The following BAALC variants were observed in gnomAD, a reference collection of about 807,000 sequenced individuals.
The protein encoded by BAALC is brain and acute leukemia cytoplasmic protein.
Under a neutral mutation model 15.5 loss-of-function variants are expected in BAALC, and 9 were observed. The ratio of observed to expected loss-of-function variants is 0.58; its 90% CI spans 0.35 to 1.02. The LOEUF (loss-of-function observed/expected upper bound fraction) is 1.02. Among genes scored for constraint, BAALC ranks in the 50% least tolerant of loss-of-function variants. The pLI, the probability that BAALC is intolerant of heterozygous loss-of-function variation, is 0.02. For missense variants in BAALC, 201 were observed against 192.4 expected (o/e 1.04, Z -0.27); for synonymous variants, 80 against 74.6 (o/e 1.07, Z -0.37).
intron 2 of BAALC, among the ~76,000 whole-genome samples, chr8:103,225,308 T>C (rs1020933826): frequency 6.6e-6 from 1 of 152,192 alleles, no homozygotes; most frequent in African/African-American, 2.4e-5. Flanking sequence ...AGGAAAGCAA[T>C]GACATCCTAT....
intron 1 of BAALC, among the ~76,000 whole-genome samples, chr8:103,196,409 T>G (rs1320420649): frequency 6.6e-6 from 1 of 152,096 alleles, no homozygotes; most frequent in Non-Finnish European, 1.5e-5. Context: ...GCCTCCCAAA[T>G]AGCTGGGACT....
In BAALC at chr8:103,203,197, A is replaced by G. The variant is rs182813128; in HGVS notation, c.161-9722A>G. ...TACCAAACCCTATGGCCAACGGCAG[A>G]TGTTACAGGCTGGTGGTTCATCACA... On this transcript the variant is annotated intron_variant, in intron 1 of 2. Coordinates refer to ENST00000309982, the MANE Select transcript of BAALC (RefSeq NM_024812.3). Among the ~76,000 whole-genome samples, 296 of 152,288 alleles carry G rather than the reference A, an allele frequency of 1.9e-3. 3 individuals carry two copies. Among genetic ancestry groups the G allele is most frequent in the Middle Eastern group, 0.017 (5 of 294 alleles).
At chr8:103,160,583 G>T (rs1279993081) in intron 1 of BAALC, among the ~76,000 whole-genome samples, 3 of 152,098 alleles carry the variant, frequency 2.0e-5, no homozygotes, top group East Asian at 3.9e-4. Flanking sequence ...ATAATTTATT[G>T]CTGGGTGGCT....
chr8:103,222,188 T>C (rs1812691106), intron 2 of BAALC, among the ~76,000 whole-genome samples: 1 of 152,074 alleles, frequency 6.6e-6, no homozygotes, highest in South Asian at 2.1e-4. Context: ...TGGCAGACTA[T>C]AGAGAGAGCA....
chr8:103,181,486 A>T (rs918180000), intron 1 of BAALC, among the ~76,000 whole-genome samples: 12 of 151,890 alleles, frequency 7.9e-5, no homozygotes, highest in South Asian at 2.1e-4. Flanking sequence ...GTTAGCCAGG[A>T]TGGTCTCGAT....
At chr8:103,154,920 C>CTATATATATATA (rs56402841) in intron 1 of BAALC, among the ~76,000 whole-genome samples, 2 of 129,976 alleles carry the variant, frequency 1.5e-5, no homozygotes, top group African/African-American at 5.5e-5. Flanking sequence ...CTATCTCAAG[C>CTATATATATATA]TATATATATA....
rs183976369 is a variant in BAALC, at chr8:103,147,701, G to T, written c.160+6644G>T. Among the ~76,000 whole-genome samples, 548 of 152,236 alleles carry T rather than the reference G, an allele frequency of 3.6e-3. 6 individuals carry two copies. The highest frequency in any genetic ancestry group is 0.013 in the African/African-American group (522 of 41,540). On this transcript the variant is annotated intron_variant, in intron 1 of 2. Coordinates refer to ENST00000309982, the MANE Select transcript of BAALC (RefSeq NM_024812.3). Reference sequence around the variant, plus strand: ...TGTCTAAACCTGTTCTCGGACAATGGTGCTGTGCCATTCATCCCAGGAGCC... The same window carrying T: ...TGTCTAAACCTGTTCTCGGACAATGTTGCTGTGCCATTCATCCCAGGAGCC...
At chr8:103,197,471 T>C (rs538554779) in intron 1 of BAALC, among the ~76,000 whole-genome samples, 1 of 152,342 alleles carries the variant, frequency 6.6e-6, no homozygotes, top group South Asian at 2.1e-4. Flanking sequence ...TTTCTATCTT[T>C]GTATGCTTAG....
chr8:103,177,365 TG>T (rs1811630526), intron 1 of BAALC, among the ~76,000 whole-genome samples: 1 of 152,060 alleles, frequency 6.6e-6, no homozygotes, highest in African/African-American at 2.4e-5. Context: ...TTGTATTTTT[TG>T]TAGAGACGGG....
chr8:103,223,937 C>T (rs911664804), intron 2 of BAALC, among the ~76,000 whole-genome samples: 4 of 152,186 alleles, frequency 2.6e-5, no homozygotes, highest in African/African-American at 4.8e-5. Flanking sequence ...TAAAGAAGGC[C>T]TCTGCATTCT....
rs2129838692 is a variant in BAALC at position 103,141,074 on chromosome 8, C to G, written c.160+17C>G. 6 of 1,443,822 alleles carry G rather than the reference C, an allele frequency of 4.2e-6. No individual in the cohort carries two copies. The South Asian group carries it at 8.8e-5, about 21-fold the overall frequency. The allele number at this position is 1,443,822 out of a possible 1,614,324, so 89.4% of individuals were successfully genotyped here. ...TGCACTCGGGTAAGTGGCCGGGCCC[C>G]TGCAGACCCTCGCCCGCCCGCTACC... is the stretch of plus-strand genomic sequence containing the variant. On this transcript the variant is annotated intron_variant, in intron 1 of 2. Coordinates refer to ENST00000309982, the MANE Select transcript of BAALC (RefSeq NM_024812.3).
chr8:103,165,055 G>C (rs1811314303), intron 1 of BAALC, among the ~76,000 whole-genome samples: 1 of 152,152 alleles, frequency 6.6e-6, no homozygotes, highest in South Asian at 2.1e-4. Flanking sequence ...TGGGATTTGG[G>C]GCATGGCTCC....
intron 1 of BAALC, chr8:103,197,985 T>C (rs1812132848): frequency 1.8e-6 from 1 of 550,306 alleles, no homozygotes; most frequent in Non-Finnish European, 3.2e-6. Context: ...CTTTTAAACA[T>C]TGCTCAAGAA....
At chr8:103,180,395 T>C (rs187314224) in intron 1 of BAALC, among the ~76,000 whole-genome samples, 1 of 152,152 alleles carries the variant, frequency 6.6e-6, no homozygotes, top group African/African-American at 2.4e-5. Context: ...CTCACGTGCT[T>C]GGCCTCAGAG....
chr8:103,192,392 T>C (rs113530935), intron 1 of BAALC, among the ~76,000 whole-genome samples: 342 of 152,318 alleles, frequency 2.2e-3, no homozygotes, highest in Non-Finnish European at 4.2e-3. Flanking sequence ...AGTGAGTAGG[T>C]TGTCAAACAT....
chr8:103,198,046 CCA>C, intron 1 of BAALC: 1 of 679,178 alleles, frequency 1.5e-6, no homozygotes, highest in Non-Finnish European at 2.7e-6. Context: ...ATTAAATATC[CCA>C]CAGTTTCTTA....
At chr8:103,157,097 G>T (rs1476238969) in intron 1 of BAALC, 2 of 150,616 alleles carry the variant, frequency 1.3e-5, no homozygotes, top group South Asian at 2.1e-4. Flanking sequence ...AAAGTTATAT[G>T]AAAAGGTGAT....
intron 1 of BAALC, among the ~76,000 whole-genome samples, chr8:103,185,533 T>A (rs765577257): frequency 6.6e-6 from 1 of 152,220 alleles, no homozygotes; most frequent in Non-Finnish European, 1.5e-5. Flanking sequence ...ATTCCCTATT[T>A]CTATGTCAAT....
chr8:103,216,584 C>T (rs1339425062), intron 2 of BAALC, among the ~76,000 whole-genome samples: 1 of 152,176 alleles, frequency 6.6e-6, no homozygotes, highest in African/African-American at 2.4e-5. Context: ...AATGCCTGGG[C>T]TCAAGCACAG....
Sources: gnomAD v4.1 joint callset for allele counts (sites outside exome capture counted in the v4.1 genomes callset) on GRCh38, gnomAD v4.1.1 for gene constraint, MANE v1.5 for transcripts, NCBI Gene and HGNC (gene_info 2026-07-23, HGNC 2026-07-21) for gene names.